Variants in SLC1A2 observed in about 807,000 individuals in gnomAD.
SLC1A2 encodes solute carrier family 1 member 2, also known as excitatory amino acid transporter 2.
A neutral mutation model predicts 48.8 loss-of-function variants in SLC1A2; 15 were observed. The observed-to-expected ratio is 0.31, with a 90% CI of 0.21 to 0.47. The LOEUF (loss-of-function observed/expected upper bound fraction) is 0.47. Ranked by LOEUF, SLC1A2 falls within the 20% of genes least tolerant of loss-of-function variation. SLC1A2 has a pLI of 0.99. For missense variants in SLC1A2, 502 were observed against 730.5 expected (o/e 0.69, Z 3.61); for synonymous variants, 279 against 272.6 (o/e 1.02, Z -0.23).
At chr11:35,389,746 A>C (rs1478649683) in intron 1 of SLC1A2, among the ~76,000 whole-genome samples, 1 of 152,144 alleles carries the variant, frequency 6.6e-6, no homozygotes, top group African/African-American at 2.4e-5. Context: ...CTGAGATTAC[A>C]GGCATGAGCT....
intron 9 of SLC1A2, among the ~76,000 whole-genome samples, chr11:35,277,662 A>G (rs1252798389): frequency 4.6e-5 from 7 of 152,234 alleles, no homozygotes; most frequent in Non-Finnish European, 8.8e-5. Context: ...AGGGACCCTC[A>G]ATGACCACAA....
chr11:35,405,490 A>T (rs1342569724), intron 1 of SLC1A2, among the ~76,000 whole-genome samples: 1 of 151,862 alleles, frequency 6.6e-6, no homozygotes, highest in Non-Finnish European at 1.5e-5. Flanking sequence ...TTTGTATCTG[A>T]ATATCAAATT....
At chr11:35,405,630 T>C (rs886673174) in intron 1 of SLC1A2, among the ~76,000 whole-genome samples, 3 of 152,224 alleles carry the variant, frequency 2.0e-5, no homozygotes, top group African/African-American at 7.2e-5. Context: ...TGATGAAATT[T>C]CATTGCATTT....
At position 35,254,108 on chromosome 11, in the gene SLC1A2, G is replaced by T. The variant is rs980570620; in HGVS notation, c.*6786C>A. 6.6e-6 allele frequency: 1 copy of T among 152,526 alleles called. No homozygotes were observed. The highest frequency in any genetic ancestry group is 1.5e-5 in the Non-Finnish European group (1 of 68,036). The allele number at this position is 152,526 out of a possible 1,614,324, so 9.4% of individuals were successfully genotyped here. A position where few individuals can be genotyped will look rare whatever the true frequency, so the allele number is the denominator to read the frequency against. On this transcript the variant is annotated 3_prime_UTR_variant, in exon 11 of 11. Transcript: ENST00000278379. ...TCCCTGGTAACACAGACTCTTACCAGGAAGCCAAAATATATCTGCTGGCAA... is the reference window on the plus strand; with the variant it reads ...TCCCTGGTAACACAGACTCTTACCATGAAGCCAAAATATATCTGCTGGCAA...
intron 1 of SLC1A2, chr11:35,360,068 C>A (rs944282298): frequency 1.0e-6 from 1 of 985,054 alleles, no homozygotes. Flanking sequence ...GCTCCAGGAA[C>A]GTGCTGGTCA....
intron 1 of SLC1A2, among the ~76,000 whole-genome samples, chr11:35,375,738 G>A (rs548076265): frequency 2.0e-5 from 3 of 152,344 alleles, no homozygotes; most frequent in Middle Eastern, 6.8e-3. Flanking sequence ...GGCCTGGACT[G>A]GGATGAGGAG....
chr11:35,326,875 C>G (rs771983950), intron 1 of SLC1A2, among the ~76,000 whole-genome samples: 1 of 152,102 alleles, frequency 6.6e-6, no homozygotes, highest in South Asian at 2.1e-4. Context: ...CAGAAACTCA[C>G]GGAAAAAGCA....
At chr11:35,418,714 C>A (rs1441284900) in intron 1 of SLC1A2, 8 of 556,268 alleles carry the variant, frequency 1.4e-5, no homozygotes, top group African/African-American at 5.8e-5. Flanking sequence ...GCGCACCTTA[C>A]CCTTTTTATC....
At chr11:35,333,529 T>A (rs1852505639) in intron 1 of SLC1A2, among the ~76,000 whole-genome samples, 1 of 152,204 alleles carries the variant, frequency 6.6e-6, no homozygotes, top group South Asian at 2.1e-4. Flanking sequence ...CACCTTAAGA[T>A]AAGGATTCCT....
Position 35,253,256 on chromosome 11 carries a change from A to T in SLC1A2, c.*7638T>A, listed in dbSNP as rs1950267842. ...TATTGCCTCATAGTTGGTTCTAAAA[A>T]TTTTTTGTAAACTTTCTTTAAAAAT... On this transcript the variant is annotated 3_prime_UTR_variant, in exon 11 of 11. Coordinates refer to ENST00000278379, the MANE Select transcript of SLC1A2 (RefSeq NM_004171.4). The T allele has an allele frequency of 6.6e-6, 1 of 152,410 alleles. No individual in the cohort carries two copies. The highest frequency in any genetic ancestry group is 6.5e-5 in the Admixed American group (1 of 15,276). The allele number at this position is 152,410 out of a possible 1,614,324, so 9.4% of individuals were successfully genotyped here.
intron 1 of SLC1A2, among the ~76,000 whole-genome samples, chr11:35,339,591 T>C (rs1021594401): frequency 6.6e-6 from 1 of 152,148 alleles, no homozygotes; most frequent in Non-Finnish European, 1.5e-5. Context: ...TCCACTGGTC[T>C]CAACACACCA....
rs533010932 is a variant in SLC1A2 at position 35,287,662 on chromosome 11, C to T, written c.1092-711G>A. The stretch of plus-strand genomic sequence containing the variant: ...ATATGAAGGGACTTCACCCCCACTC[C>T]TCCCAGGCCTGGGATGTGGATTCGT... On this transcript the variant is annotated intron_variant, in intron 7 of 10. Coordinates refer to ENST00000278379, the MANE Select transcript of SLC1A2 (RefSeq NM_004171.4). Among the ~76,000 whole-genome samples, 5 of 152,304 alleles carry T rather than the reference C, an allele frequency of 3.3e-5. No homozygotes were observed. The South Asian group carries it at 1.0e-3, about 32-fold the overall frequency.
intron 1 of SLC1A2, among the ~76,000 whole-genome samples, chr11:35,327,226 T>G (rs965002243): frequency 6.6e-6 from 1 of 152,250 alleles, no homozygotes; most frequent in Admixed American, 6.5e-5. Flanking sequence ...ATTTGTGTGC[T>G]TTTTTGTCTG....
intron 7 of SLC1A2, among the ~76,000 whole-genome samples, chr11:35,287,513 A>C (rs1223338954): frequency 2.0e-5 from 3 of 152,244 alleles, no homozygotes; most frequent in Non-Finnish European, 4.4e-5. Context: ...CTGAGCTTCA[A>C]GCAATTCACT....
chr11:35,312,121 C>T, intron 4 of SLC1A2, 77 bp downstream of exon 4: 1 of 1,444,060 alleles, frequency 6.9e-7, no homozygotes, highest in Non-Finnish European at 9.6e-7. Flanking sequence ...CAGAGTTGGT[C>T]TGTTAAAATA....
chr11:35,282,968 T>A (rs1296203526), intron 8 of SLC1A2, among the ~76,000 whole-genome samples: 1 of 151,522 alleles, frequency 6.6e-6, no homozygotes, highest in African/African-American at 2.4e-5. Context: ...TGCCTGGCCT[T>A]CCACTCCCCT....
chr11:35,326,414 G>A (rs746349093), intron 1 of SLC1A2, among the ~76,000 whole-genome samples: 19 of 152,238 alleles, frequency 1.2e-4, no homozygotes, highest in Non-Finnish European at 2.2e-4. Flanking sequence ...CTCAAACTGA[G>A]CCTTTCCAAT....
At chr11:35,408,095 A>G (rs1855354641) in intron 1 of SLC1A2, among the ~76,000 whole-genome samples, 1 of 151,914 alleles carries the variant, frequency 6.6e-6, no homozygotes, top group Non-Finnish European at 1.5e-5. Context: ...CCTCGCCCCC[A>G]TTTGCTTAAT....
At position 35,253,048 on chromosome 11, in the gene SLC1A2, C is replaced by T. The variant is rs545913053; in HGVS notation, c.*7846G>A. ...TTTAAACCACGGTAAAAATACTACT[C>T]CTACCACCATCTCAGAAAGTATTTG... On this transcript the variant is annotated 3_prime_UTR_variant, in exon 11 of 11. Coordinates refer to ENST00000278379, the MANE Select transcript of SLC1A2 (RefSeq NM_004171.4). The T allele has an allele frequency of 6.6e-6, 1 of 152,306 alleles. No individual in the cohort carries two copies. The highest frequency in any genetic ancestry group is 2.1e-4 in the South Asian group (1 of 4,828). 9.4% of individuals were successfully genotyped at this position (152,306 alleles called of 1,614,324 possible). A position where few individuals can be genotyped will look rare whatever the true frequency, so the allele number is the denominator to read the frequency against.
Sources: allele counts gnomAD v4.1 joint callset (sites outside exome capture counted in the v4.1 genomes callset), GRCh38; gene constraint gnomAD v4.1.1; transcripts MANE v1.5; gene names NCBI Gene and HGNC (gene_info 2026-07-23, HGNC 2026-07-21).